Variants in TANC2 observed in about 807,000 individuals in gnomAD.
TANC2 encodes protein TANC2.
TANC2 carries 26 observed loss-of-function variants against 210.5 expected under a neutral mutation model. The ratio of observed to expected loss-of-function variants is 0.12; its 90% CI spans 0.09 to 0.17. TANC2 has a LOEUF of 0.17. Ranked by LOEUF, TANC2 falls within the 10% of genes least tolerant of loss-of-function variation. TANC2 has a pLI of 1.00. For missense variants in TANC2, 2,129 were observed against 2,608.9 expected, an observed-to-expected ratio of 0.82 and a Z score of 4.01; for synonymous variants, 931 against 967.1, an observed-to-expected ratio of 0.96 and a Z score of 0.69.
At chr17:63,005,845 TG>T (rs1194460364) in intron 1 of TANC2, among the ~76,000 whole-genome samples, 2 of 151,932 alleles carry the variant, frequency 1.3e-5, no homozygotes, top group East Asian at 3.9e-4. Flanking sequence ...GTGTTATTTG[TG>T]CCTTAAAAGT....
intron 1 of TANC2, among the ~76,000 whole-genome samples, chr17:62,977,646 A>G (rs2143358196): frequency 6.6e-6 from 1 of 151,984 alleles, no homozygotes; most frequent in Admixed American, 6.5e-5. Context: ...ATTTTTTTTT[A>G]ATTACAAAAG....
chr17:63,104,450 C>A (rs1044813663), intron 4 of TANC2, among the ~76,000 whole-genome samples: 4 of 152,018 alleles, frequency 2.6e-5, no homozygotes, highest in Non-Finnish European at 2.9e-5. Context: ...CTGGTACAAC[C>A]ATTTTTATGG....
chr17:63,308,481 G>A (rs983266291), intron 9 of TANC2, among the ~76,000 whole-genome samples: 1 of 152,158 alleles, frequency 6.6e-6, no homozygotes, highest in African/African-American at 2.4e-5. Flanking sequence ...GGTCATCACT[G>A]CCTGTCACTC....
chr17:63,112,959 T>C (rs1248820619), intron 4 of TANC2, among the ~76,000 whole-genome samples: 1 of 152,222 alleles, frequency 6.6e-6, no homozygotes, highest in Non-Finnish European at 1.5e-5. Context: ...CTAGGAAGTC[T>C]AATTTTTTTA....
intron 5 of TANC2, among the ~76,000 whole-genome samples, chr17:63,173,156 T>C (rs941571263): frequency 3.3e-5 from 5 of 152,176 alleles, no homozygotes; most frequent in East Asian, 3.8e-4. Context: ...CAGGAAAATA[T>C]CTGTTAGCAA....
chr17:63,124,458 G>T (rs939171530), intron 4 of TANC2, among the ~76,000 whole-genome samples: 1 of 152,166 alleles, frequency 6.6e-6, no homozygotes, highest in East Asian at 1.9e-4. Flanking sequence ...CTCCTGAACT[G>T]TAGTCCAAAC....
chr17:63,208,813 C>A (rs1408973120), intron 7 of TANC2, among the ~76,000 whole-genome samples: 1 of 151,982 alleles, frequency 6.6e-6, no homozygotes, highest in Non-Finnish European at 1.5e-5. Flanking sequence ...TACTTCTTAC[C>A]TATTGCATAG....
intron 11 of TANC2, among the ~76,000 whole-genome samples, chr17:63,338,562 A>G (rs187141598): frequency 7.2e-5 from 11 of 152,316 alleles, no homozygotes; most frequent in Non-Finnish European, 1.0e-4. Context: ...AGACCTAACC[A>G]CTGGCATTCA....
At chr17:63,264,895 G>A (rs569493389) in intron 8 of TANC2, among the ~76,000 whole-genome samples, 1 of 152,224 alleles carries the variant, frequency 6.6e-6, no homozygotes, top group African/African-American at 2.4e-5. Flanking sequence ...GGAGGTCAAG[G>A]CTGCAGTGAG....
chr17:63,284,501 A>G (rs1325728310), intron 9 of TANC2, among the ~76,000 whole-genome samples: 1 of 151,898 alleles, frequency 6.6e-6, no homozygotes. Flanking sequence ...AAATACTTTC[A>G]AATTTGTCTT....
intron 7 of TANC2, among the ~76,000 whole-genome samples, chr17:63,227,059 A>C (rs1307637257): frequency 6.6e-6 from 1 of 152,138 alleles, no homozygotes; most frequent in Non-Finnish European, 1.5e-5. Flanking sequence ...GCTGCAATGA[A>C]CATATGTGTG....
intron 14 of TANC2, among the ~76,000 whole-genome samples, chr17:63,373,057 C>G (rs2319812): frequency 0.59 from 90,183 of 151,650 alleles, 29,332 homozygotes; most frequent in African/African-American, 0.86. Context: ...ACCACACCCG[C>G]CTAATTTTTT....
intron 4 of TANC2, among the ~76,000 whole-genome samples, chr17:63,115,801 A>G (rs1275119691): frequency 6.6e-6 from 1 of 152,216 alleles, no homozygotes; most frequent in East Asian, 1.9e-4. Flanking sequence ...GGAATAAGGT[A>G]GAAAATGCTT....
intron 1 of TANC2, among the ~76,000 whole-genome samples, chr17:62,992,848 A>G (rs1269636145): frequency 1.3e-5 from 2 of 152,252 alleles, no homozygotes; most frequent in Non-Finnish European, 2.9e-5. Context: ...AAACAACACA[A>G]ATGTACTATT....
In TANC2 at chr17:63,074,034, A is replaced by AT; in HGVS notation, c.139+22dup. ...GGCAAGGTAAATTTTCATCAGATTGATTATTAAATTTCAAAAAATAACGAT... is the reference window on the plus strand; with the variant it reads ...GGCAAGGTAAATTTTCATCAGATTGATTTATTAAATTTCAAAAAATAACGAT... On this transcript the variant is annotated intron_variant, in intron 3 of 27. Coordinates refer to ENST00000689528, the Ensembl canonical transcript of TANC2. 2 of 1,545,824 alleles carry AT rather than the reference A, an allele frequency of 1.3e-6. No individual in the cohort carries two copies. Among genetic ancestry groups the AT allele is most frequent in the Non-Finnish European group, 1.7e-6 (2 of 1,144,380 alleles).
chr17:63,108,496 A>G (rs991655120), intron 4 of TANC2, among the ~76,000 whole-genome samples: 1 of 151,836 alleles, frequency 6.6e-6, no homozygotes, highest in Non-Finnish European at 1.5e-5. Context: ...ATTGTTTTCC[A>G]GCACTTGTGA....
intron 9 of TANC2, among the ~76,000 whole-genome samples, chr17:63,268,729 G>T (rs1390518711): frequency 6.6e-6 from 1 of 152,062 alleles, no homozygotes; most frequent in Non-Finnish European, 1.5e-5. Flanking sequence ...TCTCACTCAG[G>T]TACCTGTTGC....
chr17:63,231,933 TC>T (rs2042487675), intron 7 of TANC2, among the ~76,000 whole-genome samples: 1 of 152,192 alleles, frequency 6.6e-6, no homozygotes, highest in African/African-American at 2.4e-5. Context: ...ATCCCATAGT[TC>T]CTGGAGATTT....
At chr17:63,358,978 G>T (rs1166879614) in intron 14 of TANC2, among the ~76,000 whole-genome samples, 2 of 102,406 alleles carry the variant, frequency 2.0e-5, no homozygotes, top group East Asian at 4.6e-4. Flanking sequence ...ATTAATATTT[G>T]TGTGTGTGTG....
Sources: allele counts gnomAD v4.1 joint callset (sites outside exome capture counted in the v4.1 genomes callset), GRCh38; gene constraint gnomAD v4.1.1; transcripts MANE v1.5; gene names NCBI Gene and HGNC (gene_info 2026-07-23, HGNC 2026-07-21).